GTF2E2: variants seen among roughly 807,000 people sequenced by gnomAD.
GTF2E2 encodes transcription initiation factor IIE subunit beta.
Under a neutral mutation model 40.5 loss-of-function variants are expected in GTF2E2, and 21 were observed. That is an observed-to-expected ratio of 0.52 (90% CI 0.37 to 0.75). GTF2E2 has a LOEUF of 0.75. Among genes scored for constraint, GTF2E2 ranks in the 30% least tolerant of loss-of-function variants. The pLI is 0.00. For missense variants in GTF2E2, 298 were observed against 338.4 expected (o/e 0.88, Z 0.94); for synonymous variants, 117 against 121.6 (o/e 0.96, Z 0.25).
Position 30,607,188 on chromosome 8 carries a change from C to T in GTF2E2, c.550-38G>A, listed in dbSNP as rs186266312. 2.5e-4 allele frequency: 189 copies of T among 763,832 alleles called. 1 individual carries two copies. In the East Asian group the frequency reaches 4.5e-3, roughly 18 times the overall value. 47.3% of individuals were successfully genotyped at this position (763,832 alleles called of 1,614,324 possible). ...TAAAATAAAGATTTTTCAGTTAACT[C>T]CAAATTACCTCACCAAAAAAAAAAA... On this transcript the variant is annotated intron_variant, in intron 5 of 7. Transcript: ENST00000355904.
intron 3 of GTF2E2, among the ~76,000 whole-genome samples, chr8:30,617,752 A>AG (rs57095310): frequency 7.2e-5 from 6 of 82,818 alleles, no homozygotes; most frequent in East Asian, 3.9e-4. Flanking sequence ...ATCTTGTCTC[A>AG]AAAAAAAAAA....
chr8:30,616,371 G>C (rs1435790922), intron 3 of GTF2E2, among the ~76,000 whole-genome samples: 2 of 152,090 alleles, frequency 1.3e-5, no homozygotes, highest in Admixed American at 6.5e-5. Context: ...GGGAGGCGGA[G>C]GTTGCAGTGA....
chr8:30,609,971 ATGCTTCCTGGAGAGCC>A (rs1230619788), intron 5 of GTF2E2, among the ~76,000 whole-genome samples: 1 of 152,170 alleles, frequency 6.6e-6, no homozygotes, highest in East Asian at 1.9e-4. Flanking sequence ...CACCAGCATC[ATGCTTCCTGGAGAGCC>A]TGCAGAACTG....
At chr8:30,589,231 G>A (rs1015749772) in intron 6 of GTF2E2, among the ~76,000 whole-genome samples, 2 of 152,188 alleles carry the variant, frequency 1.3e-5, no homozygotes, top group Admixed American at 1.3e-4. Flanking sequence ...ACTCAAGCCT[G>A]CTGACAAAGC....
chr8:30,647,242 A>T (rs1477146648), intron 2 of GTF2E2, among the ~76,000 whole-genome samples: 1 of 152,160 alleles, frequency 6.6e-6, no homozygotes, highest in Non-Finnish European at 1.5e-5. Flanking sequence ...TTTTGTGTGC[A>T]ATAAATAACT....
At chr8:30,608,981 C>G (rs1783231669) in intron 5 of GTF2E2, among the ~76,000 whole-genome samples, 1 of 152,142 alleles carries the variant, frequency 6.6e-6, no homozygotes, top group Non-Finnish European at 1.5e-5. Context: ...AATCTCCTGA[C>G]CTCGTGATCC....
chr8:30,588,764 G>C lies in GTF2E2; in HGVS notation c.644-8368C>G, dbSNP rs563291438. Among the ~76,000 whole-genome samples, 6 of 152,304 alleles carry C rather than the reference G, an allele frequency of 3.9e-5. No homozygotes were observed. In the East Asian group the frequency reaches 1.2e-3, roughly 29 times the overall value. ...AGCCAAGAAATTCGGGTAGCCTCTGGAAGCTGAAAAGGCAAGAAAACGAAT... is the reference window on the plus strand; with the variant it reads ...AGCCAAGAAATTCGGGTAGCCTCTGCAAGCTGAAAAGGCAAGAAAACGAAT... On this transcript the variant is annotated intron_variant, in intron 6 of 7. Transcript: ENST00000355904.
At chr8:30,603,673 A>G (rs1383996715) in intron 6 of GTF2E2, among the ~76,000 whole-genome samples, 1 of 152,176 alleles carries the variant, frequency 6.6e-6, no homozygotes, top group African/African-American at 2.4e-5. Flanking sequence ...CAAAAACATA[A>G]AAGTTGTGAG....
chr8:30,626,570 A>T (rs941672917), intron 3 of GTF2E2, among the ~76,000 whole-genome samples: 3 of 152,238 alleles, frequency 2.0e-5, no homozygotes, highest in African/African-American at 7.2e-5. Flanking sequence ...GTTTTATAAC[A>T]TATTAGCATC....
chr8:30,600,583 T>C (rs1829149247), intron 6 of GTF2E2, among the ~76,000 whole-genome samples: 1 of 142,634 alleles, frequency 7.0e-6, no homozygotes, highest in Non-Finnish European at 1.5e-5. Flanking sequence ...AATGAATAAA[T>C]CTTTTTTTAG....
intron 2 of GTF2E2, among the ~76,000 whole-genome samples, chr8:30,652,541 C>T (rs551997733): frequency 5.2e-5 from 7 of 135,258 alleles, no homozygotes; most frequent in East Asian, 2.1e-4. Flanking sequence ...ATAGAAATAG[C>T]TATGATTAAA....
At chr8:30,627,063 A>G (rs1801299265) in intron 3 of GTF2E2, among the ~76,000 whole-genome samples, 1 of 152,212 alleles carries the variant, frequency 6.6e-6, no homozygotes, top group South Asian at 2.1e-4. Flanking sequence ...TGGGAACCTA[A>G]TCATGCCAGC....
At chr8:30,604,062 G>A (rs1222340807) in intron 6 of GTF2E2, among the ~76,000 whole-genome samples, 4 of 152,100 alleles carry the variant, frequency 2.6e-5, no homozygotes, top group Non-Finnish European at 4.4e-5. Context: ...ATACATTCAT[G>A]GGTATATGCC....
chr8:30,597,904 C>T (rs761709079), intron 6 of GTF2E2, among the ~76,000 whole-genome samples: 3 of 152,172 alleles, frequency 2.0e-5, no homozygotes, highest in South Asian at 2.1e-4. Flanking sequence ...TCTCTGTAAT[C>T]CCAATAAAGC....
chr8:30,646,188 GACTT>G (rs1802065763), intron 2 of GTF2E2: 1 of 152,144 alleles, frequency 6.6e-6, no homozygotes, highest in South Asian at 2.1e-4. Context: ...TCACAAAACT[GACTT>G]ACTGTTTAGT....
chr8:30,582,277 G>A (rs1828537376), intron 6 of GTF2E2, among the ~76,000 whole-genome samples: 1 of 152,160 alleles, frequency 6.6e-6, no homozygotes, highest in Non-Finnish European at 1.5e-5. Flanking sequence ...ATCTGCCTTG[G>A]CCTCCCGAAG....
chr8:30,613,515 A>C (rs1800803162), intron 4 of GTF2E2, among the ~76,000 whole-genome samples: 1 of 152,346 alleles, frequency 6.6e-6, no homozygotes, highest in Admixed American at 6.5e-5. Flanking sequence ...CACAGAAAGA[A>C]GAAAAAAGGG....
chr8:30,622,699 G>A (rs1243998351), intron 3 of GTF2E2, among the ~76,000 whole-genome samples: 1 of 152,028 alleles, frequency 6.6e-6, no homozygotes, highest in African/African-American at 2.4e-5. Context: ...AGCCAGGGGG[G>A]CCGTCTACAG....
intron 6 of GTF2E2, among the ~76,000 whole-genome samples, chr8:30,593,157 C>T (rs1828897632): frequency 6.6e-6 from 1 of 152,192 alleles, no homozygotes; most frequent in African/African-American, 2.4e-5. Context: ...CACCATTGCA[C>T]TCCAACCAGG....
Sources: allele counts gnomAD v4.1 joint callset (sites outside exome capture counted in the v4.1 genomes callset), GRCh38; gene constraint gnomAD v4.1.1; transcripts MANE v1.5; gene names NCBI Gene and HGNC (gene_info 2026-07-23, HGNC 2026-07-21).